The following DCUN1D4 variants were observed in gnomAD, a reference collection of about 807,000 sequenced individuals.
DCUN1D4 encodes defective in cullin neddylation 1 domain containing 4.
DCUN1D4 carries 22 observed loss-of-function variants against 47.9 expected under a neutral mutation model. That is an observed-to-expected ratio of 0.46 (90% CI 0.33 to 0.66). The LOEUF (loss-of-function observed/expected upper bound fraction) is 0.66, where lower values mean the gene tolerates loss of function less well. Among genes scored for constraint, DCUN1D4 ranks in the 30% least tolerant of loss-of-function variants. The probability of loss-of-function intolerance (pLI) is 0.02; values close to 1 mark genes in which losing one functional copy is unlikely to be tolerated. For missense variants in DCUN1D4, 301 were observed against 340.8 expected, an observed-to-expected ratio of 0.88 and a Z score of 0.92; for synonymous variants, 121 against 112.2, an observed-to-expected ratio of 1.08 and a Z score of -0.50.
chr4:51,886,814 A>C (rs1729547300), intron 6 of DCUN1D4, 176 bp downstream of exon 6: 7 of 593,722 alleles, frequency 1.2e-5, no homozygotes, highest in Non-Finnish European at 1.2e-5. Context: ...CCATTCTTGT[A>C]AGTGATATGG....
chr4:51,863,533 T>C (rs750271606), intron 2 of DCUN1D4, 26 bp downstream of exon 2: 9 of 1,597,206 alleles, frequency 5.6e-6, no homozygotes, highest in Non-Finnish European at 6.9e-6. Context: ...AAAGACAAAA[T>C]TACCAACTGT....
chr4:51,884,244 C>G (rs10434448), intron 5 of DCUN1D4: 52,019 of 151,952 alleles, frequency 0.34, 11,085 homozygotes, highest in East Asian at 0.6. Context: ...AGAAAAATGA[C>G]GTAAGACTTC....
At chr4:51,897,887 C>T (rs1731509865) in intron 7 of DCUN1D4, among the ~76,000 whole-genome samples, 1 of 152,146 alleles carries the variant, frequency 6.6e-6, no homozygotes. Flanking sequence ...GCAAAAAATC[C>T]TAAGTCCAGA....
intron 1 of DCUN1D4, among the ~76,000 whole-genome samples, chr4:51,861,823 G>A (rs1336421068): frequency 6.7e-6 from 1 of 150,270 alleles, no homozygotes; most frequent in Non-Finnish European, 1.5e-5. Flanking sequence ...TGGGGTGGAG[G>A]TGCAAGAGTT....
At chr4:51,848,655 C>T (rs955496754) in intron 1 of DCUN1D4, among the ~76,000 whole-genome samples, 2 of 152,106 alleles carry the variant, frequency 1.3e-5, no homozygotes, top group African/African-American at 4.8e-5. Flanking sequence ...CTAAGCAGAA[C>T]ATGTATTTTA....
intron 3 of DCUN1D4, among the ~76,000 whole-genome samples, chr4:51,870,650 C>T (rs1726744464): frequency 6.6e-6 from 1 of 152,126 alleles, no homozygotes; most frequent in Non-Finnish European, 1.5e-5. Flanking sequence ...GCTGAGTATG[C>T]ACAAGTGAAC....
chr4:51,845,314 T>G, intron 1 of DCUN1D4: 2 of 976,936 alleles, frequency 2.0e-6, no homozygotes, highest in Non-Finnish European at 2.4e-6. Flanking sequence ...AAAAAATAAC[T>G]GTCTTGAAAT....
At chr4:51,853,933 T>C (rs1723747773) in intron 1 of DCUN1D4, among the ~76,000 whole-genome samples, 2 of 152,198 alleles carry the variant, frequency 1.3e-5, no homozygotes, top group South Asian at 4.1e-4. Context: ...CACGCACTGT[T>C]TGAAGCACAG....
rs1484132701 is a variant in DCUN1D4, at chr4:51,843,208, G to T, written c.-35G>T. On this transcript the variant is annotated 5_prime_UTR_variant, in exon 1 of 11. Transcript: ENST00000334635. ...GGGGGACCGCGAGGCGAGCGCGGGA[G>T]CCTGGGCGGCGAGCCGGGTGTGAGC... is the stretch of plus-strand genomic sequence containing the variant. The T allele has an allele frequency of 1.3e-5, 20 of 1,539,308 alleles. No homozygotes were observed. Among genetic ancestry groups the T allele is most frequent in the Middle Eastern group, 3.7e-4 (2 of 5,382 alleles).
intron 8 of DCUN1D4, among the ~76,000 whole-genome samples, chr4:51,902,171 A>C (rs951559898): frequency 6.6e-6 from 1 of 152,132 alleles, no homozygotes; most frequent in South Asian, 2.1e-4. Context: ...ATTTTTATCT[A>C]TTTGATTTAT....
chr4:51,850,935 G>A (rs1287243966), intron 1 of DCUN1D4, among the ~76,000 whole-genome samples: 2 of 152,128 alleles, frequency 1.3e-5, no homozygotes, highest in East Asian at 3.9e-4. Flanking sequence ...CAGAGGCTGG[G>A]GTGCTTAGAG....
Position 51,914,345 on chromosome 4 carries a change from CT to C in DCUN1D4, c.*767del, listed in dbSNP as rs1394199501. The C allele has an allele frequency of 6.6e-6, 1 of 151,986 alleles. No individual in the cohort carries two copies. The highest frequency in any genetic ancestry group is 2.4e-5 in the African/African-American group (1 of 41,376). 9.4% of individuals were successfully genotyped at this position (151,986 alleles called of 1,614,324 possible). ...TTAAACTCTTATAAACATTCTTTAA[CT>C]TTTTTGTTTGTTTGTTCTCTTTTTT... On this transcript the variant is annotated 3_prime_UTR_variant, in exon 11 of 11. Coordinates refer to ENST00000334635, the MANE Select transcript of DCUN1D4 (RefSeq NM_001040402.3).
Position 51,899,389 on chromosome 4 carries a change from T to C in DCUN1D4, c.615+11T>C, listed in dbSNP as rs1179957128. 37 of 1,598,324 alleles carry C rather than the reference T, an allele frequency of 2.3e-5. No homozygotes were observed. Among genetic ancestry groups the C allele is most frequent in the Non-Finnish European group, 3.2e-5 (37 of 1,172,660 alleles). On this transcript the variant is annotated intron_variant, in intron 8 of 10. Transcript: ENST00000334635. Reference sequence around the variant, plus strand: ...TTTGACTTTGCACGGGTGAGTTCTCTGGAGCCTATCCAGATGTTTCCCTCT... The same window carrying C: ...TTTGACTTTGCACGGGTGAGTTCTCCGGAGCCTATCCAGATGTTTCCCTCT...
intron 1 of DCUN1D4, chr4:51,844,522 C>A (rs993307914): frequency 2.1e-6 from 1 of 482,894 alleles, no homozygotes; most frequent in Admixed American, 6.4e-5. Flanking sequence ...GGCTTGGCGC[C>A]GGGGAGGTGT....
chr4:51,913,043 A>C (rs569321702), intron 9 of DCUN1D4, among the ~76,000 whole-genome samples: 1 of 152,274 alleles, frequency 6.6e-6, no homozygotes, highest in South Asian at 2.1e-4. Flanking sequence ...GGGGATATAT[A>C]ATCATGTTAT....
At chr4:51,845,518 C>G (rs1722399931) in intron 1 of DCUN1D4, among the ~76,000 whole-genome samples, 1 of 152,156 alleles carries the variant, frequency 6.6e-6, no homozygotes, top group South Asian at 2.1e-4. Context: ...TTCCTTCTCT[C>G]CTTAATACTA....
intron 4 of DCUN1D4, among the ~76,000 whole-genome samples, chr4:51,876,403 AC>A (rs1236238761): frequency 7.3e-6 from 1 of 137,674 alleles, no homozygotes; most frequent in Non-Finnish European, 1.6e-5. Context: ...AACATCACAC[AC>A]CGGGGGGCCT....
In DCUN1D4 at chr4:51,905,399, C is replaced by A. The variant is rs916548535; in HGVS notation, c.616-5671C>A. On this transcript the variant is annotated intron_variant, in intron 8 of 10. Transcript: ENST00000334635. ...GCTGTGGAATCTTGCTAGAAGAAGACGGTGGAATATACACAAGGGCCAACA... is the reference window on the plus strand; with the variant it reads ...GCTGTGGAATCTTGCTAGAAGAAGAAGGTGGAATATACACAAGGGCCAACA... The A allele has an allele frequency of 2.4e-5, 6 of 245,748 alleles. No individual in the cohort carries two copies. The East Asian group carries it at 5.3e-4, about 22-fold the overall frequency. 15.2% of individuals were successfully genotyped at this position (245,748 alleles called of 1,614,324 possible).
intron 1 of DCUN1D4, chr4:51,845,259 G>T: frequency 2.0e-6 from 2 of 985,346 alleles, no homozygotes; most frequent in South Asian, 4.7e-5. Context: ...CGTAACCCTT[G>T]TAACGATAAT....
Sources: gnomAD v4.1 joint callset for allele counts (sites outside exome capture counted in the v4.1 genomes callset) on GRCh38, gnomAD v4.1.1 for gene constraint, MANE v1.5 for transcripts, NCBI Gene and HGNC (gene_info 2026-07-23, HGNC 2026-07-21) for gene names.